PPP1R1B: variants seen among roughly 807,000 people sequenced by gnomAD.
PPP1R1B encodes protein phosphatase 1 regulatory inhibitor subunit 1B, also known as protein phosphatase 1 regulatory subunit 1B.
In PPP1R1B, 13 loss-of-function variants were observed where a neutral mutation model predicts 28.2. That is an observed-to-expected ratio of 0.46 (90% CI 0.30 to 0.73). PPP1R1B has a LOEUF of 0.73. Among genes scored for constraint, PPP1R1B ranks in the 30% least tolerant of loss-of-function variants. The pLI is 0.07. For synonymous variants in PPP1R1B, 102 were observed against 97.5 expected (o/e 1.05, Z -0.27); for missense variants, 236 against 256.7 (o/e 0.92, Z 0.55).
At chr17:39,630,758 C>CTCTG in intron 4 of PPP1R1B, among the ~76,000 whole-genome samples, 1 of 152,098 alleles carries the variant, frequency 6.6e-6, no homozygotes, top group South Asian at 2.1e-4. Flanking sequence ...ACCCCCATCT[C>CTCTG]TATGAAAAAT....
intron 1 of PPP1R1B, among the ~76,000 whole-genome samples, chr17:39,628,902 G>A (rs1567847182): frequency 6.6e-6 from 1 of 152,236 alleles, no homozygotes; most frequent in Non-Finnish European, 1.5e-5. Context: ...GGACAGGCAT[G>A]GGCTGGGAGT....
chr17:39,627,105 G>C lies in PPP1R1B; in HGVS notation c.-288G>C, dbSNP rs2056842972. The C allele has an allele frequency of 4.7e-6, 2 of 422,276 alleles. No individual in the cohort carries two copies. The highest frequency in any genetic ancestry group is 4.2e-5 in the African/African-American group (2 of 47,616). 26.2% of individuals were successfully genotyped at this position (422,276 alleles called of 1,614,324 possible). ...AGGAGGGGAGAGACACCGAGACGCA[G>C]AGACACCCAGGCCGGGGAGCGCGAG... On this transcript the variant is annotated 5_prime_UTR_variant, in exon 1 of 7. Coordinates refer to ENST00000254079, the MANE Select transcript of PPP1R1B (RefSeq NM_032192.4).
chr17:39,630,682 G>A (rs972316043), intron 4 of PPP1R1B, among the ~76,000 whole-genome samples: 1 of 152,208 alleles, frequency 6.6e-6, no homozygotes, highest in African/African-American at 2.4e-5. Context: ...CCAGCACTTT[G>A]GGAGGCCAAG....
chr17:39,631,491 T>C (rs568832233), intron 4 of PPP1R1B, among the ~76,000 whole-genome samples: 4 of 152,302 alleles, frequency 2.6e-5, no homozygotes, highest in Non-Finnish European at 1.5e-5. Context: ...CTAAGCCCTG[T>C]TGCCTACCAA....
Position 39,627,111 on chromosome 17 carries a change from C to A in PPP1R1B, c.-282C>A, listed in dbSNP as rs1433000872. ...GGAGAGACACCGAGACGCAGAGACA[C>A]CCAGGCCGGGGAGCGCGAGGGAGCG... is the stretch of plus-strand genomic sequence containing the variant. On this transcript the variant is annotated 5_prime_UTR_variant, in exon 1 of 7. Coordinates refer to ENST00000254079, the MANE Select transcript of PPP1R1B (RefSeq NM_032192.4). 1 of 429,522 alleles carries A rather than the reference C, an allele frequency of 2.3e-6. No homozygotes were observed. Among genetic ancestry groups the A allele is most frequent in the Non-Finnish European group, 4.1e-6 (1 of 243,524 alleles). The allele number at this position is 429,522 out of a possible 1,614,324, so 26.6% of individuals were successfully genotyped here.
At chr17:39,631,070 A>C (rs1473040424) in intron 4 of PPP1R1B, among the ~76,000 whole-genome samples, 1 of 151,338 alleles carries the variant, frequency 6.6e-6, no homozygotes, top group East Asian at 1.9e-4. Flanking sequence ...ACTCTGTCTC[A>C]AGAAAAAAAA....
rs1481034133 is a variant in PPP1R1B at position 39,627,391 on chromosome 17, C to T, written c.-2C>T. 1 of 1,600,216 alleles carries T rather than the reference C, an allele frequency of 6.2e-7. No individual in the cohort carries two copies. Among genetic ancestry groups the T allele is most frequent in the South Asian group, 1.1e-5 (1 of 90,172 alleles). On this transcript the variant is annotated 5_prime_UTR_variant, in exon 1 of 7. Transcript: ENST00000254079. ...CCAGCCCCACCGCCCACCCCGCGCG[C>T]CATGGACCCCAAGGACCGCAAGAAG... is the stretch of plus-strand genomic sequence containing the variant.
chr17:39,630,040 G>T lies in PPP1R1B; in HGVS notation c.234G>T (p.Ser78=). The change falls in exon 4 of 7, where the codon TCG becomes TCT. Residue 78 remains serine (S), a synonymous_variant. Coordinates refer to ENST00000254079, the MANE Select transcript of PPP1R1B (RefSeq NM_032192.4). ...ACCCCTGTGCCTACACACCACCTTC[G>T]CTGAAAGGTACTATACCCCCACCGA... is the stretch of plus-strand genomic sequence containing the variant. The part of the protein sequence containing the change: ...RPNPCAYTPP[S]LKAVQRIAES... 1.9e-6 allele frequency: 3 copies of T among 1,614,028 alleles called. No individual in the cohort carries two copies. The South Asian group carries it at 3.3e-5, about 18-fold the overall frequency.
chr17:39,629,419 C>T (rs1041066637), intron 2 of PPP1R1B, 121 bp from the exon 3 acceptor site: 2 of 1,404,788 alleles, frequency 1.4e-6, no homozygotes, highest in African/African-American at 2.8e-5. Context: ...AGAGGGCACA[C>T]TTTCCCTGTC....
intron 4 of PPP1R1B, 118 bp downstream of exon 4, chr17:39,630,165 C>T (rs776186307): frequency 4.1e-5 from 41 of 989,770 alleles, no homozygotes; most frequent in South Asian, 1.5e-4. Flanking sequence ...CCGCTGTCAG[C>T]GTGGCGCAAC....
chr17:39,631,263 A>G (rs1278518734), intron 4 of PPP1R1B, among the ~76,000 whole-genome samples: 1 of 152,240 alleles, frequency 6.6e-6, no homozygotes, highest in Non-Finnish European at 1.5e-5. Context: ...AAAAGGGTCA[A>G]GGAAGGTACA....
chr17:39,628,508 T>G (rs2056852735), intron 1 of PPP1R1B: 1 of 985,536 alleles, frequency 1.0e-6, no homozygotes, highest in East Asian at 1.1e-4. Context: ...TTTTCATTTC[T>G]CACAAGGACT....
intron 5 of PPP1R1B, among the ~76,000 whole-genome samples, chr17:39,634,472 T>G (rs1377680251): frequency 3.3e-5 from 5 of 152,332 alleles, no homozygotes; most frequent in African/African-American, 1.2e-4. Flanking sequence ...CCTACATTTT[T>G]GAACCTAGGA....
chr17:39,629,268 C>G, intron 2 of PPP1R1B, 38 bp downstream of exon 2: 2 of 1,596,442 alleles, frequency 1.3e-6, no homozygotes, highest in Non-Finnish European at 1.7e-6. Context: ...TGGCCCCACC[C>G]TAGCTCTGAT....
intron 6 of PPP1R1B, 43 bp from the exon 7 acceptor site, chr17:39,635,773 T>C: frequency 1.2e-6 from 2 of 1,612,292 alleles, no homozygotes; most frequent in South Asian, 2.2e-5. Flanking sequence ...GGGATCTTGG[T>C]GGGTGGGGCC....
chr17:39,635,963 C>A lies in PPP1R1B; in HGVS notation c.*98C>A. ...CCCTGTTTTGTGCTCTTCCCCTCGC[C>A]TGCTAGGGCTGCGGCTTCTGACTTC... On this transcript the variant is annotated 3_prime_UTR_variant, in exon 7 of 7. Coordinates refer to ENST00000254079, the MANE Select transcript of PPP1R1B (RefSeq NM_032192.4). 4.6e-6 allele frequency: 6 copies of A among 1,311,778 alleles called. No individual in the cohort carries two copies. Among genetic ancestry groups the A allele is most frequent in the Admixed American group, 2.0e-5 (1 of 49,992 alleles). 81.3% of individuals were successfully genotyped at this position (1,311,778 alleles called of 1,614,324 possible).
intron 2 of PPP1R1B, 65 bp from the exon 3 acceptor site, chr17:39,629,475 C>T: frequency 4.4e-6 from 7 of 1,596,380 alleles, no homozygotes; most frequent in Non-Finnish European, 6.0e-6. Flanking sequence ...TTCTTTCTCT[C>T]TCTCCCTCTT....
At position 39,635,639 on chromosome 17, in the gene PPP1R1B, G is replaced by C; in HGVS notation, c.478G>C (p.Glu160Gln). Residue 160 changes from glutamate to glutamine, a missense_variant, in exon 6 of 7, where the codon GAA becomes CAA. Glu to Gln is a conservative substitution (Grantham distance 29, BLOSUM62 2). Coordinates refer to ENST00000254079, the MANE Select transcript of PPP1R1B (RefSeq NM_032192.4). The part of the protein sequence containing the change: ...GQKTTCGQGL[E>Q]GPWERPPPLD... ...AAAGACAACCTGTGGCCAGGGTCTG[G>C]AAGGGCCCTGGGAGCGCCCACCCCC... 6.2e-7 allele frequency: 1 copy of C among 1,614,162 alleles called. No individual in the cohort carries two copies. Among genetic ancestry groups the C allele is most frequent in the Non-Finnish European group, 8.5e-7 (1 of 1,180,002 alleles).
chr17:39,629,600 G>C (rs199915525), intron 3 of PPP1R1B, 38 bp downstream of exon 3: 115 of 1,611,412 alleles, frequency 7.1e-5, no homozygotes, highest in Non-Finnish European at 8.6e-5. Flanking sequence ...GGGATGCCTG[G>C]GCCCCTTGGG....
Sources: allele counts gnomAD v4.1 joint callset (sites outside exome capture counted in the v4.1 genomes callset), GRCh38; gene constraint gnomAD v4.1.1; transcripts MANE v1.5; gene names NCBI Gene and HGNC (gene_info 2026-07-23, HGNC 2026-07-21).